ARF4: variants seen among roughly 807,000 people sequenced by gnomAD.
The protein encoded by ARF4 is ARF GTPase 4.
Under a neutral mutation model 24.3 loss-of-function variants are expected in ARF4, and 5 were observed. The observed-to-expected ratio is 0.21, with a 90% CI of 0.11 to 0.43. The LOEUF (loss-of-function observed/expected upper bound fraction) is 0.43, where lower values mean the gene tolerates loss of function less well. ARF4 is among the 20% of genes least tolerant of loss of function. The pLI, the probability that ARF4 is intolerant of heterozygous loss-of-function variation, is 1.00. For synonymous variants in ARF4, 62 were observed against 73.5 expected (o/e 0.84, Z 0.80); for missense variants, 107 against 213.0 (o/e 0.50, Z 3.10).
In ARF4 at chr3:57,597,066, T is replaced by A; in HGVS notation, c.67+8A>T. 6.2e-7 allele frequency: 1 copy of A among 1,613,530 alleles called. No individual in the cohort carries two copies. The highest frequency in any genetic ancestry group is 2.2e-5 in the East Asian group (1 of 44,834). Reference sequence around the variant, plus strand: ...CAGGTCCCGCCTGACTCGCAGCCCCTCACTCACCCATCAAAATGCGCATCT... The same window carrying A: ...CAGGTCCCGCCTGACTCGCAGCCCCACACTCACCCATCAAAATGCGCATCT... On this transcript the variant is annotated splice_region_variant and intron_variant, in intron 1 of 5. Transcript: ENST00000303436.
rs771791127 is a variant in ARF4, at chr3:57,584,108, T to C, written c.149-101A>G. 10 of 831,382 alleles carry C rather than the reference T, an allele frequency of 1.2e-5. 1 individual carries two copies. In the South Asian group the frequency reaches 1.7e-4, roughly 14 times the overall value. 51.5% of individuals were successfully genotyped at this position (831,382 alleles called of 1,614,324 possible). On this transcript the variant is annotated intron_variant, in intron 2 of 5. Coordinates refer to ENST00000303436, the MANE Select transcript of ARF4 (RefSeq NM_001660.4). ...GAATAGTGTTTTTAAAGTACTTCTT[T>C]TTATTTTTAAAAAATATATTTAAGC...
intron 4 of ARF4, 138 bp from the exon 5 acceptor site, chr3:57,575,811 C>T: frequency 1.1e-6 from 1 of 939,656 alleles, no homozygotes; most frequent in Non-Finnish European, 1.5e-6. Flanking sequence ...TTCACTCTTA[C>T]AACTGAAGTC....
At chr3:57,573,979 T>C (rs547514412) in intron 5 of ARF4, among the ~76,000 whole-genome samples, 1 of 152,182 alleles carries the variant, frequency 6.6e-6, no homozygotes, top group African/African-American at 2.4e-5. Context: ...TCTCGCTCTG[T>C]CACCCAGGCT....
chr3:57,574,254 GTTGT>G (rs1436163293), intron 5 of ARF4, among the ~76,000 whole-genome samples: 2 of 151,784 alleles, frequency 1.3e-5, no homozygotes, highest in Non-Finnish European at 2.9e-5. Flanking sequence ...TAGGTTCTTT[GTTGT>G]TTGTTTCATT....
chr3:57,596,123 C>T (rs1044969579), intron 1 of ARF4, among the ~76,000 whole-genome samples: 4 of 152,158 alleles, frequency 2.6e-5, no homozygotes, highest in African/African-American at 7.2e-5. Flanking sequence ...TTGCTTACTT[C>T]AGCCAACTGA....
Position 57,597,038 on chromosome 3 carries a change from T to C in ARF4, c.67+36A>G, listed in dbSNP as rs571342303. ...ACCCCAATTGTGGAGACCCTGCCTT[T>C]CCCAGGTCCCGCCTGACTCGCAGCC... On this transcript the variant is annotated intron_variant, in intron 1 of 5. Transcript: ENST00000303436. The C allele has an allele frequency of 1.9e-5, 31 of 1,608,526 alleles. No individual in the cohort carries two copies. The South Asian group carries it at 2.8e-4, about 14-fold the overall frequency.
In ARF4 at chr3:57,591,459, C is replaced by T. The variant is rs555443002; in HGVS notation, c.67+5615G>A. 3.7e-3 allele frequency among the ~76,000 whole-genome samples: 549 copies of T among 149,500 alleles called. 2 individuals carry two copies. Among genetic ancestry groups the T allele is most frequent in the Non-Finnish European group, 6.5e-3 (436 of 67,336 alleles). On this transcript the variant is annotated intron_variant, in intron 1 of 5. Coordinates refer to ENST00000303436, the MANE Select transcript of ARF4 (RefSeq NM_001660.4). Reference sequence around the variant, plus strand: ...TATAATATGAATGAACTTTTTTCTTCTCTTTTCTTTTCTTTTTTTTTTTTT... The same window carrying T: ...TATAATATGAATGAACTTTTTTCTTTTCTTTTCTTTTCTTTTTTTTTTTTT...
rs183962464 is a variant in ARF4 at position 57,571,503 on chromosome 3, T to C, written c.*709A>G. The C allele has an allele frequency of 1.0e-4, 16 of 152,712 alleles. No individual in the cohort carries two copies. Among genetic ancestry groups the C allele is most frequent in the African/African-American group, 3.9e-4 (16 of 41,550 alleles). The allele number at this position is 152,712 out of a possible 1,614,324, so 9.5% of individuals were successfully genotyped here. Reference sequence around the variant, plus strand: ...ACAAAACATCAGCAGAACTATCATATACTGAGCAAAAAATCAGGCTGATAA... The same window carrying C: ...ACAAAACATCAGCAGAACTATCATACACTGAGCAAAAAATCAGGCTGATAA... On this transcript the variant is annotated 3_prime_UTR_variant, in exon 6 of 6. Coordinates refer to ENST00000303436, the MANE Select transcript of ARF4 (RefSeq NM_001660.4).
At chr3:57,596,899 G>C (rs533729112) in intron 1 of ARF4, 175 bp downstream of exon 1, 1 of 632,878 alleles carries the variant, frequency 1.6e-6, no homozygotes, top group Non-Finnish European at 2.7e-6. Flanking sequence ...TCGGGGGCGG[G>C]GGGGATCGCT....
intron 1 of ARF4, 83 bp downstream of exon 1, chr3:57,596,991 G>GA: frequency 6.7e-7 from 1 of 1,496,566 alleles, no homozygotes; most frequent in Non-Finnish European, 9.2e-7. Context: ...GCGGGCGGAG[G>GA]AAAAAAACAG....
rs998484010 is a variant in ARF4, at chr3:57,597,283, G to A, written c.-143C>T. ...AAGAGGGAGGCAGAAACGTCTCAGT[G>A]GCCCCTGTGCCGATGAAGATCCGGC... On this transcript the variant is annotated 5_prime_UTR_variant, in exon 1 of 6. Transcript: ENST00000303436. 5 of 766,360 alleles carry A rather than the reference G, an allele frequency of 6.5e-6. No homozygotes were observed. The highest frequency in any genetic ancestry group is 5.2e-5 in the African/African-American group (3 of 57,250). 47.5% of individuals were successfully genotyped at this position (766,360 alleles called of 1,614,324 possible).
rs1259731167 is a variant in ARF4 at position 57,572,285 on chromosome 3, G to T, written c.470C>A (p.Ala157Asp). ...SLRNRTWYVQ[A>D]TCATQGTGLY... Reference sequence around the variant, plus strand: ...ACCAGTTCCTTGTGTTGCACAAGTGGCTTGAACATACCACTGTAAAGAGAA... The same window carrying T: ...ACCAGTTCCTTGTGTTGCACAAGTGTCTTGAACATACCACTGTAAAGAGAA... Residue 157 changes from alanine (A) to aspartate (D), a missense_variant, in exon 6 of 6, where the codon GCC becomes GAC. By Grantham distance (126) the Ala-to-Asp change is moderately radical (BLOSUM62 -2). Coordinates refer to ENST00000303436, the MANE Select transcript of ARF4 (RefSeq NM_001660.4). 1.2e-6 allele frequency: 2 copies of T among 1,613,366 alleles called. No homozygotes were observed. Among genetic ancestry groups the T allele is most frequent in the Non-Finnish European group, 1.7e-6 (2 of 1,179,388 alleles).
intron 5 of ARF4, among the ~76,000 whole-genome samples, chr3:57,574,168 T>C (rs1171356996): frequency 1.3e-5 from 2 of 151,404 alleles, no homozygotes; most frequent in African/African-American, 4.9e-5. Flanking sequence ...CTTGAATTCC[T>C]GACCTCATGA....
At chr3:57,587,939 T>C (rs2070058667) in intron 1 of ARF4, among the ~76,000 whole-genome samples, 2 of 152,236 alleles carry the variant, frequency 1.3e-5, no homozygotes, top group South Asian at 4.1e-4. Flanking sequence ...TTATAAGCTT[T>C]AATGCACGAA....
chr3:57,587,995 A>G (rs1415110884), intron 1 of ARF4, among the ~76,000 whole-genome samples: 1 of 152,226 alleles, frequency 6.6e-6, no homozygotes. Flanking sequence ...TCTTTACTCA[A>G]AAACATATTG....
At chr3:57,593,590 A>G (rs1268268041) in intron 1 of ARF4, among the ~76,000 whole-genome samples, 1 of 152,236 alleles carries the variant, frequency 6.6e-6, no homozygotes, top group East Asian at 1.9e-4. Flanking sequence ...CAGCTTTTCA[A>G]CAGGCAAGAA....
intron 5 of ARF4, among the ~76,000 whole-genome samples, chr3:57,575,147 G>C (rs1271757376): frequency 6.8e-6 from 1 of 148,004 alleles, no homozygotes; most frequent in Non-Finnish European, 1.5e-5. Flanking sequence ...ACCGCACCCA[G>C]CCCCCCATCT....
At chr3:57,591,478 T>G in intron 1 of ARF4, among the ~76,000 whole-genome samples, 2 of 151,092 alleles carry the variant, frequency 1.3e-5, no homozygotes. Context: ...TTTCTTTTTT[T>G]TTTTTTGAGA....
chr3:57,594,918 G>C (rs1050107542), intron 1 of ARF4, among the ~76,000 whole-genome samples: 1 of 152,088 alleles, frequency 6.6e-6, no homozygotes, highest in African/African-American at 2.4e-5. Flanking sequence ...TCCCTCGTAC[G>C]TTGATACTTC....
Sources: gnomAD v4.1 joint callset for allele counts (sites outside exome capture counted in the v4.1 genomes callset) on GRCh38, gnomAD v4.1.1 for gene constraint, MANE v1.5 for transcripts, NCBI Gene and HGNC (gene_info 2026-07-23, HGNC 2026-07-21) for gene names.